The following DCAF8L2 variants were observed in gnomAD, a reference collection of about 807,000 sequenced individuals.
DCAF8L2 encodes the protein DDB1- and CUL4-associated factor 8-like protein 2.
For synonymous variants in DCAF8L2, 200 were observed against 190.9 expected, an observed-to-expected ratio of 1.05 and a Z score of -0.39; for missense variants, 430 against 490.7, an observed-to-expected ratio of 0.88 and a Z score of 1.17.
intron 1 of DCAF8L2, among the ~76,000 whole-genome samples, chrX:27,619,902 T>C (rs1927675146): frequency 8.9e-6 from 1 of 111,802 alleles, no homozygotes; most frequent in Non-Finnish European, 1.9e-5. Context: ...CAATACATGC[T>C]ACAATTAAAG....
At chrX:27,709,389 A>G (rs1381910826) in intron 3 of DCAF8L2, among the ~76,000 whole-genome samples, 1 of 112,378 alleles carries the variant, frequency 8.9e-6, no homozygotes, top group Non-Finnish European at 1.9e-5. Context: ...GTGCATAGTG[A>G]GAGATAAAAA....
At chrX:27,599,252 G>A (rs1304477859) in intron 1 of DCAF8L2, among the ~76,000 whole-genome samples, 1 of 111,226 alleles carries the variant, frequency 9.0e-6, no homozygotes, top group Non-Finnish European at 1.9e-5. Flanking sequence ...TATGTTAAGC[G>A]AAATAAGACA....
At chrX:27,660,925 C>T (rs1003844613) in intron 2 of DCAF8L2, among the ~76,000 whole-genome samples, 2 of 112,025 alleles carry the variant, frequency 1.8e-5, no homozygotes, top group Admixed American at 1.9e-4. Context: ...AGCTGGTTTT[C>T]CTATACTGTA....
At chrX:27,526,843 A>G in the DCAF8L2 span, among the ~76,000 whole-genome samples, 3 of 112,495 alleles carry the variant, frequency 2.7e-5, no homozygotes, top group Non-Finnish European at 5.6e-5. Flanking sequence ...AACAGCGAAT[A>G]TTGCTGAACA....
At chrX:27,514,681 A>AAAAAC in the DCAF8L2 span, among the ~76,000 whole-genome samples, 11 of 83,491 alleles carry the variant, frequency 1.3e-4, no homozygotes, top group Non-Finnish European at 1.8e-4. Flanking sequence ...AAAAAAAAAA[A>AAAAAC]AAAAAAAAAA....
At chrX:27,614,415 A>G (rs1427570405) in intron 1 of DCAF8L2, among the ~76,000 whole-genome samples, 2 of 110,619 alleles carry the variant, frequency 1.8e-5, no homozygotes, top group African/African-American at 6.6e-5. Flanking sequence ...TTCTGGATTC[A>G]TTGATTTTTT....
chrX:27,664,143 T>C (rs758464110), intron 2 of DCAF8L2, among the ~76,000 whole-genome samples: 1 of 111,280 alleles, frequency 9.0e-6, no homozygotes, highest in Non-Finnish European at 1.9e-5. Context: ...AAAGCTGAGA[T>C]AGGCCAAAAC....
intron 2 of DCAF8L2, among the ~76,000 whole-genome samples, chrX:27,675,627 A>G (rs1211582731): frequency 8.9e-6 from 1 of 112,159 alleles, no homozygotes; most frequent in Non-Finnish European, 1.9e-5. Flanking sequence ...GACATGGTAT[A>G]GAAGGTAGTT....
At chrX:27,614,882 C>A (rs1315488005) in intron 1 of DCAF8L2, among the ~76,000 whole-genome samples, 2 of 110,862 alleles carry the variant, frequency 1.8e-5, no homozygotes, top group Non-Finnish European at 3.8e-5. Flanking sequence ...ACTATGTGGT[C>A]AATTTTGGAA....
the DCAF8L2 span, among the ~76,000 whole-genome samples, chrX:27,512,778 G>GAA: frequency 4.0e-4 from 1 of 2,519 alleles, no homozygotes; most frequent in Non-Finnish European, 5.9e-4. Context: ...ACAATCTTGA[G>GAA]CAAAAAAAAA....
chrX:27,519,096 T>G, the DCAF8L2 span: 3 of 1,070,102 alleles, frequency 2.8e-6, no homozygotes, highest in South Asian at 5.6e-5. Flanking sequence ...AGGGGAAACA[T>G]CAGAAGCAGT....
In DCAF8L2 at chrX:27,635,917, T is replaced by C. The variant is rs763482813; in HGVS notation, c.-220+3917T>C. ...ACCTCCGCCTCCCGGGTTCAAGCGA[T>C]TCTCCTGCCTCAGCCTCCCAAGTAG... On this transcript the variant is annotated intron_variant, in intron 2 of 4. Transcript: ENST00000451261. 3.5e-3 allele frequency among the ~76,000 whole-genome samples: 376 copies of C among 108,606 alleles called. 4 individuals carry two copies. The highest frequency in any genetic ancestry group is 0.012 in the African/African-American group (362 of 29,671). 94.3% of individuals were successfully genotyped at this position (108,606 alleles called of 115,157 possible).
intron 4 of DCAF8L2, among the ~76,000 whole-genome samples, chrX:27,734,440 C>A (rs1167394541): frequency 1.8e-5 from 2 of 111,045 alleles, no homozygotes; most frequent in Non-Finnish European, 3.8e-5. Context: ...ACCATGTGAA[C>A]CATGACTCTG....
the DCAF8L2 span, among the ~76,000 whole-genome samples, chrX:27,513,782 G>GA: frequency 1.8e-5 from 2 of 110,187 alleles, no homozygotes; most frequent in African/African-American, 6.6e-5. Context: ...ACAGATGCAT[G>GA]AAAAAATTTT....
chrX:27,619,004 A>ATATCTAATCT (rs1555919667), intron 1 of DCAF8L2, among the ~76,000 whole-genome samples: 1 of 101,664 alleles, frequency 9.8e-6, no homozygotes, highest in Non-Finnish European at 2.0e-5. Flanking sequence ...ATCTATATCT[A>ATATCTAATCT]ATCTATCTAT....
the DCAF8L2 span, among the ~76,000 whole-genome samples, chrX:27,495,192 T>A: frequency 3.6e-5 from 4 of 112,145 alleles, no homozygotes; most frequent in East Asian, 1.1e-3. Flanking sequence ...TGTCTTGGAA[T>A]CTTTGTCAAA....
chrX:27,646,854 A>G (rs948674546), intron 2 of DCAF8L2, among the ~76,000 whole-genome samples: 3 of 111,810 alleles, frequency 2.7e-5, no homozygotes, highest in Non-Finnish European at 5.6e-5. Flanking sequence ...CAAAACCACA[A>G]TGAGATACCA....
At chrX:27,734,972 A>G (rs1054965069) in intron 4 of DCAF8L2, among the ~76,000 whole-genome samples, 17 of 111,979 alleles carry the variant, frequency 1.5e-4, no homozygotes, top group African/African-American at 5.5e-4. Context: ...AGAAATATCA[A>G]GAGTTCAAAC....
the DCAF8L2 span, among the ~76,000 whole-genome samples, chrX:27,548,274 C>G: frequency 1.8e-5 from 2 of 111,102 alleles, no homozygotes; most frequent in South Asian, 7.6e-4. Flanking sequence ...TATTCAGGGT[C>G]TACCAATGAT....
Sources: gnomAD v4.1 joint callset for allele counts (sites outside exome capture counted in the v4.1 genomes callset) on GRCh38, gnomAD v4.1.1 for gene constraint, MANE v1.5 for transcripts, NCBI Gene and HGNC (gene_info 2026-07-23, HGNC 2026-07-21) for gene names.